CRYBG3: variants seen among roughly 807,000 people sequenced by gnomAD.
CRYBG3 encodes the protein very large A-kinase anchor protein.
Under a neutral mutation model 244.2 loss-of-function variants are expected in CRYBG3, and 127 were observed. The ratio of observed to expected loss-of-function variants is 0.52; its 90% confidence interval spans 0.45 to 0.60. The LOEUF (loss-of-function observed/expected upper bound fraction) is 0.60, where lower values mean the gene tolerates loss of function less well. Ranked by LOEUF, CRYBG3 falls within the 20% of genes least tolerant of loss-of-function variation. The pLI is 0.00. For missense variants in CRYBG3, 3,325 were observed against 3,442.5 expected (o/e 0.97, Z 0.85); for synonymous variants, 1,132 against 1,195.8 (o/e 0.95, Z 1.10).
chr3:97,924,414 G>A, intron 17 of CRYBG3: 1 of 454,158 alleles, frequency 2.2e-6, no homozygotes, highest in South Asian at 1.6e-5. Flanking sequence ...AGAAAAAGGT[G>A]AAAGGCAAAT....
intron 17 of CRYBG3, among the ~76,000 whole-genome samples, chr3:97,917,210 G>A (rs1235880308): frequency 6.6e-6 from 1 of 151,646 alleles, no homozygotes; most frequent in Non-Finnish European, 1.5e-5. Context: ...TTAGATTCAT[G>A]AAGTGTAAAA....
intron 19 of CRYBG3, among the ~76,000 whole-genome samples, chr3:97,939,355 T>A (rs1475223473): frequency 6.6e-6 from 1 of 152,062 alleles, no homozygotes; most frequent in Non-Finnish European, 1.5e-5. Flanking sequence ...AATTCTGAGT[T>A]TCTAAAATAG....
At chr3:97,889,235 C>T (rs1480899185) in intron 9 of CRYBG3, 120 bp from the exon 10 acceptor site, 2 of 759,330 alleles carry the variant, frequency 2.6e-6, no homozygotes, top group African/African-American at 1.8e-5. Flanking sequence ...TTGAATTTGA[C>T]TGGTGTGTAA....
chr3:97,861,025 T>G (rs1164993994), intron 2 of CRYBG3, among the ~76,000 whole-genome samples: 2 of 151,890 alleles, frequency 1.3e-5, no homozygotes, highest in Non-Finnish European at 2.9e-5. Flanking sequence ...TCCCTTTCTA[T>G]TCTCCATGTC....
At chr3:97,911,724 G>A (rs1280836232) in intron 15 of CRYBG3, among the ~76,000 whole-genome samples, 2 of 152,218 alleles carry the variant, frequency 1.3e-5, no homozygotes, top group Non-Finnish European at 2.9e-5. Context: ...GAGCTAGGGA[G>A]AGAAGCAGCA....
At chr3:97,837,596 G>A (rs1482791468) in intron 1 of CRYBG3, among the ~76,000 whole-genome samples, 1 of 152,092 alleles carries the variant, frequency 6.6e-6, no homozygotes, top group East Asian at 1.9e-4. Flanking sequence ...AAGGAGAGAA[G>A]GTAAATTGGC....
chr3:97,886,323 C>T (rs1439705916), intron 7 of CRYBG3, among the ~76,000 whole-genome samples: 2 of 152,054 alleles, frequency 1.3e-5, no homozygotes, highest in Admixed American at 1.3e-4. Flanking sequence ...AGTTTGGTAA[C>T]TCTGAAATCT....
intron 17 of CRYBG3, among the ~76,000 whole-genome samples, chr3:97,919,222 A>G (rs958937199): frequency 6.6e-6 from 1 of 152,172 alleles, no homozygotes. Flanking sequence ...AGTATATGGT[A>G]GACAAGTACA....
rs1412343310 is a variant in CRYBG3 at position 97,864,539 on chromosome 3, C to T, written c.539C>T (p.Thr180Ile). ...EREIFSGSLR[T>I]QTHPTEEQDS... ...GAGATTTTCAGTGGCTCCCTAAGAA[C>T]CCAGACACATCCAACAGAAGAACAA... The change falls in exon 3 of 22, where the codon ACC becomes ATC. Residue 180 changes from threonine to isoleucine, a missense_variant. Coordinates refer to ENST00000389622, the MANE Select transcript of CRYBG3 (RefSeq NM_153605.4). 3.3e-6 allele frequency: 5 copies of T among 1,535,750 alleles called. No homozygotes were observed. The highest frequency in any genetic ancestry group is 1.7e-4 in the Middle Eastern group (1 of 6,012).
At chr3:97,907,306 G>A (rs1291957119) in intron 15 of CRYBG3, among the ~76,000 whole-genome samples, 1 of 152,188 alleles carries the variant, frequency 6.6e-6, no homozygotes, top group Non-Finnish European at 1.5e-5. Flanking sequence ...GATTGGAATA[G>A]TTTCAAAAGG....
At chr3:97,893,637 GTTTA>G (rs1490943504) in intron 11 of CRYBG3, among the ~76,000 whole-genome samples, 3 of 152,200 alleles carry the variant, frequency 2.0e-5, no homozygotes, top group Admixed American at 1.3e-4. Flanking sequence ...TGTCCTCATT[GTTTA>G]TTTATCATTG....
intron 1 of CRYBG3, among the ~76,000 whole-genome samples, chr3:97,839,098 T>C (rs2038776334): frequency 6.6e-6 from 1 of 152,146 alleles, no homozygotes; most frequent in Non-Finnish European, 1.5e-5. Context: ...AATTCTGCTC[T>C]TCACCCCCTG....
chr3:97,848,577 A>G (rs1371742400), intron 2 of CRYBG3, among the ~76,000 whole-genome samples: 2 of 152,306 alleles, frequency 1.3e-5, no homozygotes, highest in East Asian at 3.9e-4. Context: ...CTGGGATTGC[A>G]GGCATGAGCC....
chr3:97,830,700 C>G (rs1203812550), intron 1 of CRYBG3, among the ~76,000 whole-genome samples: 2 of 152,118 alleles, frequency 1.3e-5, no homozygotes, highest in Non-Finnish European at 2.9e-5. Context: ...AGTACGATTT[C>G]TGGACCTATT....
At chr3:97,943,068 G>T in intron 21 of CRYBG3, 158 bp from the exon 22 acceptor site, 1 of 594,670 alleles carries the variant, frequency 1.7e-6, no homozygotes. Context: ...GTGAATAATG[G>T]CTAAGCCTGT....
At chr3:97,836,723 A>C (rs1223184659) in intron 1 of CRYBG3, among the ~76,000 whole-genome samples, 1 of 152,040 alleles carries the variant, frequency 6.6e-6, no homozygotes, top group Non-Finnish European at 1.5e-5. Context: ...GGCCTAAAGG[A>C]GGGCTGAGAG....
intron 18 of CRYBG3, among the ~76,000 whole-genome samples, chr3:97,935,527 C>T (rs1416607265): frequency 6.6e-6 from 1 of 152,030 alleles, no homozygotes. Flanking sequence ...CATCCCTACC[C>T]AAGCTTTCAT....
Position 97,874,577 on chromosome 3 carries a change from AT to A in CRYBG3, c.3387del (p.Phe1129LeufsTer51), listed in dbSNP as rs2039347706. 2 of 1,535,908 alleles carry A rather than the reference AT, an allele frequency of 1.3e-6. No homozygotes were observed. Among genetic ancestry groups the A allele is most frequent in the African/African-American group, 2.7e-5 (2 of 73,036 alleles). On this transcript the variant is annotated frameshift_variant, in exon 4 of 22. Coordinates refer to ENST00000389622, the MANE Select transcript of CRYBG3 (RefSeq NM_153605.4). LOFTEE classifies it high-confidence loss of function. ...IGTEVTPFQE[H>X]FGIYTGKISI... The stretch of plus-strand genomic sequence containing the variant: ...ACAGAAGTAACCCCATTTCAGGAAC[AT>A]TTTGGGATTTATACTGGGAAGATAT...
chr3:97,928,275 G>T (rs1026549446), intron 17 of CRYBG3, among the ~76,000 whole-genome samples: 2 of 151,984 alleles, frequency 1.3e-5, no homozygotes, highest in African/African-American at 2.4e-5. Context: ...GCAGCTGGAG[G>T]CCATTATCTG....
Sources: allele counts gnomAD v4.1 joint callset (sites outside exome capture counted in the v4.1 genomes callset), GRCh38; gene constraint gnomAD v4.1.1; transcripts MANE v1.5; gene names NCBI Gene and HGNC (gene_info 2026-07-23, HGNC 2026-07-21).